DIP2C: variants seen among roughly 807,000 people sequenced by gnomAD.
The protein encoded by DIP2C is disco-interacting protein 2 homolog C.
Under a neutral mutation model 192.4 loss-of-function variants are expected in DIP2C, and 33 were observed. The observed-to-expected ratio is 0.17, with a 90% CI of 0.13 to 0.23. The LOEUF is 0.23. Ranked by LOEUF, DIP2C falls within the 10% of genes least tolerant of loss-of-function variation. DIP2C has a pLI of 1.00. For synonymous variants in DIP2C, 979 were observed against 864.1 expected (o/e 1.13, Z -2.33); for missense variants, 1,537 against 2,110.1 (o/e 0.73, Z 5.32).
intron 1 of DIP2C, among the ~76,000 whole-genome samples, chr10:671,411 G>C: frequency 7.5e-6 from 1 of 133,572 alleles, no homozygotes; most frequent in Non-Finnish European, 1.6e-5. Context: ...CGTCACAGAC[G>C]CACGGACGGA....
intron 18 of DIP2C, 89 bp downstream of exon 18, chr10:369,405 C>CGGGAAGGT: frequency 6.9e-7 from 1 of 1,450,296 alleles, no homozygotes; most frequent in Non-Finnish European, 9.1e-7. Flanking sequence ...CACGGGAACG[C>CGGGAAGGT]GGGAACGTGG....
intron 1 of DIP2C, among the ~76,000 whole-genome samples, chr10:524,691 C>T (rs1192594107): frequency 6.6e-6 from 1 of 152,270 alleles, no homozygotes; most frequent in African/African-American, 2.4e-5. Context: ...ATTGCACTCT[C>T]GCAATTTCTT....
intron 1 of DIP2C, among the ~76,000 whole-genome samples, chr10:533,114 A>C (rs945411915): frequency 6.6e-6 from 1 of 152,266 alleles, no homozygotes; most frequent in Non-Finnish European, 1.5e-5. Context: ...GGTTTTCCTG[A>C]ATCTCAATTC....
intron 1 of DIP2C, among the ~76,000 whole-genome samples, chr10:551,786 C>A (rs943674873): frequency 6.6e-6 from 1 of 152,234 alleles, no homozygotes; most frequent in Non-Finnish European, 1.5e-5. Context: ...CAACTCCAGG[C>A]TCCTCAGAGC....
At chr10:303,973 T>C (rs910056379) in intron 32 of DIP2C, among the ~76,000 whole-genome samples, 2 of 152,172 alleles carry the variant, frequency 1.3e-5, no homozygotes, top group Non-Finnish European at 1.5e-5. Context: ...GGCAATGACA[T>C]GCACAGAGCC....
chr10:364,892 A>AT (rs1960003406), intron 19 of DIP2C: 4 of 583,306 alleles, frequency 6.9e-6, no homozygotes, highest in Admixed American at 4.4e-5. Flanking sequence ...GCAGTAACTG[A>AT]TTACTTGGTT....
intron 9 of DIP2C, among the ~76,000 whole-genome samples, chr10:404,882 G>A (rs1457982203): frequency 1.3e-5 from 2 of 152,364 alleles, no homozygotes; most frequent in Admixed American, 6.5e-5. Flanking sequence ...AGGCATGAGT[G>A]TCATGTGACG....
chr10:650,135 G>A lies in DIP2C; in HGVS notation c.85+39359C>T, dbSNP rs187833541. The A allele has an allele frequency of 8.4e-6, 6 of 717,344 alleles. No individual in the cohort carries two copies. In the East Asian group the frequency reaches 1.6e-4, roughly 19 times the overall value. 44.4% of individuals were successfully genotyped at this position (717,344 alleles called of 1,614,324 possible). ...CATGGAGTCCTCCCGTTGGGACAAG[G>A]ACCCCCCAGGAGAGAGAAGACCCCA... On this transcript the variant is annotated intron_variant, in intron 1 of 36. Transcript: ENST00000280886.
chr10:325,160 G>C, intron 31 of DIP2C: 1 of 328,024 alleles, frequency 3.0e-6, no homozygotes, highest in East Asian at 7.9e-5. Flanking sequence ...AGATGCTGGG[G>C]AAGCTGAGGC....
chr10:607,803 A>C (rs898147836), intron 1 of DIP2C, among the ~76,000 whole-genome samples: 1 of 152,082 alleles, frequency 6.6e-6, no homozygotes, highest in Non-Finnish European at 1.5e-5. Flanking sequence ...CACAATTTAT[A>C]ATCTTCAAAA....
At chr10:654,510 A>C (rs1417007133) in intron 1 of DIP2C, among the ~76,000 whole-genome samples, 2 of 152,190 alleles carry the variant, frequency 1.3e-5, no homozygotes, top group Non-Finnish European at 2.9e-5. Context: ...CAACAGCAAG[A>C]TCCACGGAGG....
intron 1 of DIP2C, among the ~76,000 whole-genome samples, chr10:503,396 C>T (rs985509912): frequency 1.8e-4 from 28 of 152,122 alleles, no homozygotes; most frequent in Admixed American, 8.5e-4. Context: ...AATAAGCACT[C>T]GGAAACTAAA....
chr10:422,620 C>G (rs1332783710), intron 5 of DIP2C, among the ~76,000 whole-genome samples: 1 of 152,216 alleles, frequency 6.6e-6, no homozygotes, highest in Non-Finnish European at 1.5e-5. Context: ...AACAAGGCCC[C>G]TGGAATTGCA....
At chr10:399,539 C>A (rs2133020205) in intron 9 of DIP2C, among the ~76,000 whole-genome samples, 1 of 152,304 alleles carries the variant, frequency 6.6e-6, no homozygotes, top group African/African-American at 2.4e-5. Context: ...TTTGTAAATA[C>A]TTCCTTGTAT....
At chr10:534,558 G>A (rs1847587805) in intron 1 of DIP2C, among the ~76,000 whole-genome samples, 1 of 152,172 alleles carries the variant, frequency 6.6e-6, no homozygotes, top group African/African-American at 2.4e-5. Flanking sequence ...GGGGCCTTGG[G>A]TCAAATGACG....
intron 1 of DIP2C, among the ~76,000 whole-genome samples, chr10:584,534 C>A (rs564262092): frequency 5.9e-5 from 8 of 135,962 alleles, no homozygotes; most frequent in African/African-American, 2.3e-4. Context: ...CGACCTGGCC[C>A]CCACTCACGG....
At chr10:555,129 T>A (rs148188018) in intron 1 of DIP2C, among the ~76,000 whole-genome samples, 1 of 152,266 alleles carries the variant, frequency 6.6e-6, no homozygotes, top group Admixed American at 6.5e-5. Flanking sequence ...CTATAAAATG[T>A]AAACCACAAT....
At chr10:278,209 CTCTG>C (rs1055586758) in intron 36 of DIP2C, among the ~76,000 whole-genome samples, 11 of 140,648 alleles carry the variant, frequency 7.8e-5, no homozygotes, top group African/African-American at 1.1e-4. Context: ...GCCTACTCCT[CTCTG>C]TCTGTGCACC....
At chr10:497,143 A>T (rs1844894228) in intron 1 of DIP2C, among the ~76,000 whole-genome samples, 1 of 151,964 alleles carries the variant, frequency 6.6e-6, no homozygotes, top group Non-Finnish European at 1.5e-5. Flanking sequence ...TCAATCAATC[A>T]ATCTCTACCT....
Sources: allele counts gnomAD v4.1 joint callset (sites outside exome capture counted in the v4.1 genomes callset), GRCh38; gene constraint gnomAD v4.1.1; transcripts MANE v1.5; gene names NCBI Gene and HGNC (gene_info 2026-07-23, HGNC 2026-07-21).